The following FGD5 variants were observed in gnomAD, a reference collection of about 807,000 sequenced individuals.
The protein encoded by FGD5 is FYVE, RhoGEF and PH domain-containing protein 5.
In FGD5, 28 loss-of-function variants were observed where a neutral mutation model predicts 133.4. That is an observed-to-expected ratio of 0.21 (90% CI 0.16 to 0.29). The LOEUF is 0.29. Ranked by LOEUF, FGD5 falls within the 10% of genes least tolerant of loss-of-function variation. FGD5 has a pLI of 1.00. For missense variants in FGD5, 1,858 were observed against 1,895.2 expected, an observed-to-expected ratio of 0.98 and a Z score of 0.36; for synonymous variants, 810 against 776.5, an observed-to-expected ratio of 1.04 and a Z score of -0.72.
chr3:14,861,409 C>G (rs1461830968), intron 1 of FGD5, among the ~76,000 whole-genome samples: 1 of 152,170 alleles, frequency 6.6e-6, no homozygotes, highest in African/African-American at 2.4e-5. Context: ...CATCTCCGCA[C>G]TCCACTGACT....
intron 1 of FGD5, among the ~76,000 whole-genome samples, chr3:14,848,350 G>A (rs1482014944): frequency 2.0e-5 from 3 of 150,964 alleles, no homozygotes; most frequent in African/African-American, 7.3e-5. Context: ...GAGGCTTCTG[G>A]GAGCCATGGA....
At chr3:14,875,757 G>T (rs2037705012) in intron 2 of FGD5, among the ~76,000 whole-genome samples, 1 of 152,158 alleles carries the variant, frequency 6.6e-6, no homozygotes, top group African/African-American at 2.4e-5. Context: ...AGAGCAGTGT[G>T]GAGTGTGGGT....
Position 14,874,077 on chromosome 3 carries a change from G to A in FGD5, c.2659-6495G>A, listed in dbSNP as rs562899271. Among the ~76,000 whole-genome samples, 17 of 149,484 alleles carry A rather than the reference G, an allele frequency of 1.1e-4. No homozygotes were observed. In the East Asian group the frequency reaches 3.3e-3, roughly 29 times the overall value. On this transcript the variant is annotated intron_variant, in intron 2 of 19. Transcript: ENST00000285046. ...TGAGTGGATAAGGAAAATGTGGTCT[G>A]TGTATACAATGGAATATTATTCAGC... is the stretch of plus-strand genomic sequence containing the variant.
At chr3:14,848,007 C>T (rs776918767) in intron 1 of FGD5, among the ~76,000 whole-genome samples, 4 of 152,130 alleles carry the variant, frequency 2.6e-5, no homozygotes, top group East Asian at 1.9e-4. Flanking sequence ...GCTGGAGCCC[C>T]GGGCCAGCCA....
chr3:14,832,963 C>T (rs930946510), intron 1 of FGD5, among the ~76,000 whole-genome samples: 2 of 152,198 alleles, frequency 1.3e-5, no homozygotes, highest in Non-Finnish European at 2.9e-5. Context: ...TGGCTATGCT[C>T]GGGATTGGCC....
At position 14,922,081 on chromosome 3, in the gene FGD5, A is replaced by T. The variant is rs1217091310; in HGVS notation, c.3669+64A>T. On this transcript the variant is annotated intron_variant, in intron 14 of 19. Coordinates refer to ENST00000285046, the MANE Select transcript of FGD5 (RefSeq NM_152536.4). This position sits in a 1 kb window ranked among gnomAD's most constrained non-coding sequence, Gnocchi z 4.1. ...GAGACCTGGGGTTCCCTGGGCGGGC[A>T]TTGCTGTTGCCACTCACACCCAGAT... is the stretch of plus-strand genomic sequence containing the variant. 1.3e-6 allele frequency: 2 copies of T among 1,498,080 alleles called. No homozygotes were observed. The highest frequency in any genetic ancestry group is 4.9e-5 in the East Asian group (2 of 40,648). The allele number at this position is 1,498,080 out of a possible 1,614,324, so 92.8% of individuals were successfully genotyped here. A position where few individuals can be genotyped will look rare whatever the true frequency, so the allele number is the denominator to read the frequency against.
chr3:14,810,793 G>T (rs2036280085), upstream of FGD5: 4 of 983,816 alleles, frequency 4.1e-6, no homozygotes, highest in Non-Finnish European at 4.8e-6. Context: ...GTGCGGAGTC[G>T]CACTGGGACC....
Position 14,932,725 on chromosome 3 carries a change from C to T in FGD5, c.4346C>T (p.Ala1449Val). Reference protein sequence around the residue: ...YSFKAEDTNSAQRWIEAMEDA... With the variant: ...YSFKAEDTNSVQRWIEAMEDA... Reference sequence around the variant, plus strand: ...TTCAAAGCAGAAGATACCAATTCAGCTCAGAGGTACGAAAAGAACTAATTA... The same window carrying T: ...TTCAAAGCAGAAGATACCAATTCAGTTCAGAGGTACGAAAAGAACTAATTA... Residue 1449 changes from alanine to valine, a missense_variant, in exon 19 of 20, where the codon GCT (alanine) becomes GTT (valine). Transcript: ENST00000285046. The T allele has an allele frequency of 6.2e-7, 1 of 1,612,124 alleles. No homozygotes were observed. The highest frequency in any genetic ancestry group is 8.5e-7 in the Non-Finnish European group (1 of 1,179,386).
intron 6 of FGD5, 27 bp from the exon 7 acceptor site, chr3:14,898,712 G>A: frequency 1.3e-6 from 2 of 1,557,356 alleles, no homozygotes; most frequent in Non-Finnish European, 1.7e-6. Flanking sequence ...TTCTGATAAG[G>A]TTTTTCCTTC....
chr3:14,824,925 A>G (rs2036573303), intron 1 of FGD5, among the ~76,000 whole-genome samples: 1 of 152,218 alleles, frequency 6.6e-6, no homozygotes, highest in Admixed American at 6.5e-5. Context: ...TTTGTTAAAC[A>G]GGGAGAGGTG....
chr3:14,851,658 T>C (rs1004894256), intron 1 of FGD5, among the ~76,000 whole-genome samples: 4 of 152,198 alleles, frequency 2.6e-5, no homozygotes, highest in Non-Finnish European at 5.9e-5. Flanking sequence ...TGTTCTTGAA[T>C]GTTACCTCTT....
rs71308113 is a variant in FGD5, at chr3:14,905,880, C to A, written c.3265-1760C>A. On this transcript the variant is annotated intron_variant, in intron 9 of 19. Coordinates refer to ENST00000285046, the MANE Select transcript of FGD5 (RefSeq NM_152536.4). ...GGAGGCCAGGCATTATGTGTAGAAGCACTGTAGAGACTGAGGTAAATCGTA... is the reference window on the plus strand; with the variant it reads ...GGAGGCCAGGCATTATGTGTAGAAGAACTGTAGAGACTGAGGTAAATCGTA... Among the ~76,000 whole-genome samples the A allele has an allele frequency of 7.4e-3, 1,119 of 152,178 alleles. 4 individuals are homozygous for A. Among genetic ancestry groups the A allele is most frequent in the Non-Finnish European group, 0.012 (845 of 68,012 alleles).
At chr3:14,846,531 T>C (rs1334732665) in intron 1 of FGD5, among the ~76,000 whole-genome samples, 2 of 152,198 alleles carry the variant, frequency 1.3e-5, no homozygotes, top group Non-Finnish European at 2.9e-5. Context: ...CATAAATACT[T>C]CCAGACACCC....
chr3:14,925,922 G>T, intron 17 of FGD5, 148 bp from the exon 18 acceptor site: 3 of 1,018,200 alleles, frequency 2.9e-6, no homozygotes, highest in East Asian at 2.8e-5. Context: ...TGCTGACTTT[G>T]GTACTGGATA....
chr3:14,813,637 A>G (rs1575182325), intron 1 of FGD5, among the ~76,000 whole-genome samples: 1 of 152,288 alleles, frequency 6.6e-6, no homozygotes, highest in Middle Eastern at 3.4e-3. Context: ...GCCAGAGCAA[A>G]CCAGACTGAC....
At chr3:14,896,740 G>A (rs1204125557) in intron 4 of FGD5, among the ~76,000 whole-genome samples, 1 of 151,974 alleles carries the variant, frequency 6.6e-6, no homozygotes, top group Non-Finnish European at 1.5e-5. Flanking sequence ...CAAAGTGCTG[G>A]GATTATAGGT....
At chr3:14,878,431 T>A (rs748045216) in intron 2 of FGD5, among the ~76,000 whole-genome samples, 2 of 152,208 alleles carry the variant, frequency 1.3e-5, no homozygotes, top group Non-Finnish European at 2.9e-5. Flanking sequence ...TTTTTTTTTC[T>A]TCTTCTATCC....
At chr3:14,893,905 C>T (rs183331640) in intron 4 of FGD5, among the ~76,000 whole-genome samples, 33 of 151,658 alleles carry the variant, frequency 2.2e-4, no homozygotes, top group South Asian at 8.3e-4. Flanking sequence ...TTACAGGCAC[C>T]GGCCATCAGA....
intron 1 of FGD5, among the ~76,000 whole-genome samples, chr3:14,860,435 AT>A (rs1213292798): frequency 6.6e-6 from 1 of 152,232 alleles, no homozygotes; most frequent in African/African-American, 2.4e-5. Context: ...AGCCAGAAAT[AT>A]CAGAGCACCT....
Sources: allele counts gnomAD v4.1 joint callset (sites outside exome capture counted in the v4.1 genomes callset), GRCh38; gene constraint gnomAD v4.1.1; non-coding constraint Gnocchi (gnomAD v3.1); transcripts MANE v1.5; gene names NCBI Gene and HGNC (gene_info 2026-07-23, HGNC 2026-07-21).